Variants in TRHDE observed in about 807,000 individuals in gnomAD.
TRHDE encodes the protein thyrotropin-releasing hormone-degrading ectoenzyme.
Under a neutral mutation model 125.7 loss-of-function variants are expected in TRHDE, and 72 were observed. The ratio of observed to expected loss-of-function variants is 0.57; its 90% CI spans 0.47 to 0.70. The LOEUF (loss-of-function observed/expected upper bound fraction) is 0.70, where lower values mean the gene tolerates loss of function less well. Ranked by LOEUF, TRHDE falls within the 30% of genes least tolerant of loss-of-function variation. The pLI, the probability that TRHDE is intolerant of heterozygous loss-of-function variation, is 0.00. For missense variants in TRHDE, 1,110 were observed against 1,327.1 expected (o/e 0.84, Z 2.54); for synonymous variants, 509 against 509.1 (o/e 1.00, Z 0.00).
intron 2 of TRHDE, chr12:72,262,755 A>G (rs559175415): frequency 3.9e-5 from 6 of 152,084 alleles, no homozygotes; most frequent in Non-Finnish European, 8.8e-5. Flanking sequence ...AATAGCTTTG[A>G]TTTTCTGTCT....
intron 15 of TRHDE, among the ~76,000 whole-genome samples, chr12:72,634,242 G>GAT (rs1565817410): frequency 6.6e-6 from 1 of 152,036 alleles, no homozygotes; most frequent in Admixed American, 6.6e-5. Flanking sequence ...TTCATTAGCA[G>GAT]CAGACAAGAG....
chr12:72,447,666 A>T (rs1009674203), intron 3 of TRHDE, among the ~76,000 whole-genome samples: 7 of 152,042 alleles, frequency 4.6e-5, no homozygotes, highest in African/African-American at 1.7e-4. Flanking sequence ...TACTATTTTT[A>T]AAATCACCTT....
chr12:72,434,492 T>C (rs185073234), intron 3 of TRHDE, among the ~76,000 whole-genome samples: 1 of 152,164 alleles, frequency 6.6e-6, no homozygotes, highest in Non-Finnish European at 1.5e-5. Context: ...GTTTTGTGTG[T>C]GTGAGAGGAG....
chr12:72,261,144 G>A (rs1878941896), intron 2 of TRHDE, among the ~76,000 whole-genome samples: 1 of 152,140 alleles, frequency 6.6e-6, no homozygotes, highest in African/African-American at 2.4e-5. Flanking sequence ...GAGATGTTAA[G>A]TAAGTATGAA....
chr12:72,476,706 T>C (rs1472030065), intron 5 of TRHDE, among the ~76,000 whole-genome samples: 1 of 152,108 alleles, frequency 6.6e-6, no homozygotes, highest in Non-Finnish European at 1.5e-5. Context: ...TGAAAAACAA[T>C]TTTATCTGCT....
At chr12:72,591,633 T>G (rs199676310) in intron 12 of TRHDE, among the ~76,000 whole-genome samples, 16 of 77,716 alleles carry the variant, frequency 2.1e-4, no homozygotes, top group East Asian at 8.1e-4. Flanking sequence ...AGGATATGGG[T>G]TTTTTTTTTT....
chr12:72,415,572 T>C (rs1423588730), intron 3 of TRHDE, among the ~76,000 whole-genome samples: 1 of 152,096 alleles, frequency 6.6e-6, no homozygotes, highest in African/African-American at 2.4e-5. Context: ...GTAATAATCA[T>C]TCTACTGTCT....
At chr12:72,386,604 AT>A (rs1237703135) in intron 3 of TRHDE, among the ~76,000 whole-genome samples, 1 of 151,832 alleles carries the variant, frequency 6.6e-6, no homozygotes, top group East Asian at 1.9e-4. Context: ...CTACTGACCC[AT>A]TTTTTCTCCT....
At chr12:72,591,632 G>GTTTTTTTTTTTTTTTTTTTTTTTT (rs71071842) in intron 12 of TRHDE, among the ~76,000 whole-genome samples, 7 of 125,444 alleles carry the variant, frequency 5.6e-5, no homozygotes, top group East Asian at 2.5e-4. Flanking sequence ...AAGGATATGG[G>GTTTTTTTTTTTTTTTTTTTTTTTT]TTTTTTTTTT....
At chr12:72,278,009 C>T (rs1879553652) in intron 1 of TRHDE, among the ~76,000 whole-genome samples, 1 of 152,058 alleles carries the variant, frequency 6.6e-6, no homozygotes, top group Admixed American at 6.6e-5. Context: ...TAATTATAGT[C>T]ACCTTGCTTT....
chr12:72,485,024 G>C (rs1313897777), intron 5 of TRHDE, among the ~76,000 whole-genome samples: 1 of 152,082 alleles, frequency 6.6e-6, no homozygotes, highest in East Asian at 1.9e-4. Context: ...AACCAGGAGG[G>C]ACTTCTTCCT....
chr12:72,570,990 A>AAATGTTTTCTG (rs1250364834), intron 10 of TRHDE, among the ~76,000 whole-genome samples: 5 of 152,278 alleles, frequency 3.3e-5, no homozygotes, highest in Middle Eastern at 3.4e-3. Flanking sequence ...ATGTTTCCTG[A>AAATGTTTTCTG]AAATTTTGTA....
At chr12:72,238,303 T>TACAC (rs1194770098) in intron 2 of TRHDE, among the ~76,000 whole-genome samples, 2 of 32,046 alleles carry the variant, frequency 6.2e-5, no homozygotes, top group African/African-American at 2.3e-4. Context: ...TATATATATA[T>TACAC]ATATATATAT....
chr12:72,621,093 C>G lies in TRHDE; in HGVS notation c.2470-15C>G, dbSNP rs1160588091. The G allele has an allele frequency of 6.8e-7, 1 of 1,466,142 alleles. No homozygotes were observed. Among genetic ancestry groups the G allele is most frequent in the Non-Finnish European group, 9.5e-7 (1 of 1,049,514 alleles). The allele number at this position is 1,466,142 out of a possible 1,614,324, so 90.8% of individuals were successfully genotyped here. ...TAAACTGACCTTATCTTTATTTATT[C>G]TATACCCCATTTAGGAATATATTTT... is the stretch of plus-strand genomic sequence containing the variant. On this transcript the variant is annotated splice_polypyrimidine_tract_variant and intron_variant, in intron 13 of 18. Coordinates refer to ENST00000261180, the MANE Select transcript of TRHDE (RefSeq NM_013381.3).
chr12:72,278,680 C>G (rs1879582708), intron 1 of TRHDE, among the ~76,000 whole-genome samples: 1 of 152,092 alleles, frequency 6.6e-6, no homozygotes, highest in Admixed American at 6.5e-5. Context: ...GGTTGCATTT[C>G]CCTGATGATA....
At chr12:72,226,255 T>C (rs1303785874) in intron 2 of TRHDE, among the ~76,000 whole-genome samples, 1 of 152,100 alleles carries the variant, frequency 6.6e-6, no homozygotes, top group African/African-American at 2.4e-5. Flanking sequence ...AGAGGTAGAT[T>C]TGATTTGATA....
At chr12:72,452,583 T>C (rs1875633024) in intron 3 of TRHDE, among the ~76,000 whole-genome samples, 2 of 152,262 alleles carry the variant, frequency 1.3e-5, no homozygotes, top group Admixed American at 6.5e-5. Flanking sequence ...GTTTTTCATA[T>C]ATGGATAATA....
At chr12:72,337,831 C>T (rs1869898200) in intron 2 of TRHDE, among the ~76,000 whole-genome samples, 1 of 146,474 alleles carries the variant, frequency 6.8e-6, no homozygotes, top group African/African-American at 2.5e-5. Flanking sequence ...TTTTTATTGT[C>T]AGCCCTCTGA....
At chr12:72,597,716 T>C (rs1361019046) in intron 12 of TRHDE, among the ~76,000 whole-genome samples, 93 of 2,014 alleles carry the variant, frequency 0.046, 1 homozygote, top group South Asian at 0.1. Context: ...TGTGTATGTA[T>C]ATATATATAT....
Sources: gnomAD v4.1 joint callset for allele counts (sites outside exome capture counted in the v4.1 genomes callset) on GRCh38, gnomAD v4.1.1 for gene constraint, MANE v1.5 for transcripts, NCBI Gene and HGNC (gene_info 2026-07-23, HGNC 2026-07-21) for gene names.